Variants in PLA2G4E observed in about 807,000 individuals in gnomAD.
PLA2G4E encodes cytosolic phospholipase A2 epsilon.
In PLA2G4E, 84 loss-of-function variants were observed where a neutral mutation model predicts 109.1. The observed-to-expected ratio is 0.77, with a 90% CI of 0.65 to 0.92. The LOEUF (loss-of-function observed/expected upper bound fraction) is 0.92. PLA2G4E is among the 40% of genes least tolerant of loss of function. The pLI is 0.00. For missense variants in PLA2G4E, 1,057 were observed against 1,076.6 expected (o/e 0.98, Z 0.25); for synonymous variants, 469 against 436.1 (o/e 1.08, Z -0.94).
chr15:42,025,127 C>T (rs1313281959), intron 1 of PLA2G4E, among the ~76,000 whole-genome samples: 2 of 149,376 alleles, frequency 1.3e-5, no homozygotes, highest in South Asian at 2.1e-4. Context: ...ATCCGGGAGG[C>T]GGAGCTTGCA....
At chr15:42,026,578 C>T (rs1595574223) in intron 1 of PLA2G4E, among the ~76,000 whole-genome samples, 2 of 152,292 alleles carry the variant, frequency 1.3e-5, no homozygotes, top group South Asian at 4.1e-4. Flanking sequence ...CACCATCGTG[C>T]TCTGCTGTGG....
intron 15 of PLA2G4E, among the ~76,000 whole-genome samples, chr15:41,988,995 C>T (rs369863777): frequency 5.9e-5 from 9 of 152,302 alleles, no homozygotes; most frequent in East Asian, 5.8e-4. Flanking sequence ...GTCCTGCATT[C>T]GGTGGGCCCA....
exon 2 of PLA2G4E, chr15:42,013,753 C>T: frequency 1.9e-6 from 3 of 1,550,252 alleles, no homozygotes; most frequent in Non-Finnish European, 1.7e-6. Context: ...TGGAGACAGC[C>T]CCTCCTGTGG....
exon 1 of PLA2G4E, chr15:42,050,626 T>G (rs1668546): frequency 0.097 from 150,542 of 1,549,722 alleles, 8,098 homozygotes; most frequent in South Asian, 0.19. Flanking sequence ...TGCTGCCTTC[T>G]TCATCCGTTT....
At chr15:42,009,010 C>T (rs2068505453) in intron 2 of PLA2G4E, 1 of 152,208 alleles carries the variant, frequency 6.6e-6, no homozygotes, top group Non-Finnish European at 1.5e-5. Flanking sequence ...ATCTAAATCA[C>T]AGGTGTTCCT....
intron 1 of PLA2G4E, among the ~76,000 whole-genome samples, chr15:42,022,517 G>C (rs2068657636): frequency 1.3e-5 from 2 of 152,006 alleles, no homozygotes; most frequent in Admixed American, 1.3e-4. Flanking sequence ...CCTGCAACTA[G>C]ATGGTTCCAT....
intron 6 of PLA2G4E, among the ~76,000 whole-genome samples, chr15:42,001,611 C>T (rs1215650721): frequency 6.6e-6 from 1 of 152,208 alleles, no homozygotes; most frequent in Non-Finnish European, 1.5e-5. Context: ...TTCCCAAAGA[C>T]TCTTCTTTTT....
At chr15:42,034,145 A>C (rs1889167059) in intron 1 of PLA2G4E, among the ~76,000 whole-genome samples, 1 of 152,184 alleles carries the variant, frequency 6.6e-6, no homozygotes, top group African/African-American at 2.4e-5. Flanking sequence ...TCCAAGACTA[A>C]AGGGTTTCCT....
At chr15:41,991,603 G>C (rs6493016) in intron 13 of PLA2G4E, among the ~76,000 whole-genome samples, 2 of 152,218 alleles carry the variant, frequency 1.3e-5, no homozygotes, top group Admixed American at 1.3e-4. Flanking sequence ...ATTTGCCAGC[G>C]CAGTTCCTGG....
At chr15:42,001,980 A>T (rs1452080413) in intron 6 of PLA2G4E, among the ~76,000 whole-genome samples, 1 of 152,182 alleles carries the variant, frequency 6.6e-6, no homozygotes, top group Non-Finnish European at 1.5e-5. Flanking sequence ...GGCATGAGCC[A>T]CCATGACTGG....
At chr15:41,992,234 T>C (rs962094782) in intron 13 of PLA2G4E, among the ~76,000 whole-genome samples, 1 of 152,126 alleles carries the variant, frequency 6.6e-6, no homozygotes, top group African/African-American at 2.4e-5. Flanking sequence ...GCACTTCCTG[T>C]GACTGAGTGG....
chr15:42,013,739 G>T (rs2068561263), exon 2 of PLA2G4E: 1 of 1,550,456 alleles, frequency 6.4e-7, no homozygotes, highest in South Asian at 1.2e-5. Context: ...GTCAACAGGT[G>T]GCATGGAGAC....
chr15:42,032,613 G>A (rs1889133940), intron 1 of PLA2G4E, among the ~76,000 whole-genome samples: 1 of 152,264 alleles, frequency 6.6e-6, no homozygotes, highest in African/African-American at 2.4e-5. Context: ...TCTCAGGTGA[G>A]TCTGAGAGGC....
intron 1 of PLA2G4E, among the ~76,000 whole-genome samples, chr15:42,036,803 A>T (rs943293507): frequency 6.6e-6 from 1 of 152,162 alleles, no homozygotes; most frequent in Non-Finnish European, 1.5e-5. Flanking sequence ...GGAGCAGGCA[A>T]CAGCCCAGGT....
At chr15:42,043,600 G>A (rs1889357953) in intron 1 of PLA2G4E, among the ~76,000 whole-genome samples, 3 of 145,232 alleles carry the variant, frequency 2.1e-5, no homozygotes, top group Admixed American at 7.0e-5. Context: ...ACAAACCAAA[G>A]AGGCCAGTGA....
Position 42,000,188 on chromosome 15 carries a change from G to A in PLA2G4E, c.768C>T (p.Phe256=), listed in dbSNP as rs537151674. The A allele has an allele frequency of 1.0e-5, 16 of 1,594,202 alleles. No homozygotes were observed. In the African/African-American group the frequency reaches 1.5e-4, roughly 15 times the overall value. Residue 256 remains phenylalanine (F), a synonymous_variant, in exon 8 of 20, where the codon TTC becomes TTT. Coordinates refer to ENST00000399518, the Ensembl canonical transcript of PLA2G4E. ...GGTAGTGGAAGCAGGCAGCGGTTTG[G>A]AAGCAGGCAGAGGTTGGGCAGCAGG...
intron 11 of PLA2G4E, among the ~76,000 whole-genome samples, chr15:41,996,838 G>A (rs1287647166): frequency 7.9e-5 from 12 of 152,316 alleles, no homozygotes; most frequent in African/African-American, 2.6e-4. Context: ...GGTGAGGAGG[G>A]CATTTTATCC....
chr15:41,990,577 C>T (rs1360066119), intron 13 of PLA2G4E, among the ~76,000 whole-genome samples: 1 of 152,004 alleles, frequency 6.6e-6, no homozygotes, highest in African/African-American at 2.4e-5. Context: ...CATCGTCTTC[C>T]CTCTGCTAGA....
At chr15:42,003,899 TG>T (rs2068446555) in intron 5 of PLA2G4E, among the ~76,000 whole-genome samples, 1 of 151,470 alleles carries the variant, frequency 6.6e-6, no homozygotes, top group Admixed American at 6.6e-5. Flanking sequence ...TTCCTTTCCT[TG>T]CTTTCCTTCC....
Sources: gnomAD v4.1 joint callset for allele counts (sites outside exome capture counted in the v4.1 genomes callset) on GRCh38, gnomAD v4.1.1 for gene constraint, MANE v1.5 for transcripts, NCBI Gene and HGNC (gene_info 2026-07-23, HGNC 2026-07-21) for gene names.